Variants in NRG1 observed in about 807,000 individuals in gnomAD.
NRG1 encodes neuregulin 1.
A neutral mutation model predicts 63.8 loss-of-function variants in NRG1; 18 were observed. The observed-to-expected ratio is 0.28, with a 90% CI of 0.19 to 0.42. The LOEUF (loss-of-function observed/expected upper bound fraction) is 0.42. Among genes scored for constraint, NRG1 ranks in the 10% least tolerant of loss-of-function variants. The pLI is 1.00. For missense variants in NRG1, 762 were observed against 814.7 expected (o/e 0.94, Z 0.79); for synonymous variants, 302 against 301.3 (o/e 1.00, Z -0.02).
intron 1 of NRG1, among the ~76,000 whole-genome samples, chr8:32,137,097 T>C (rs1270525658): frequency 6.6e-6 from 1 of 152,156 alleles, no homozygotes; most frequent in African/African-American, 2.4e-5. Flanking sequence ...GAATTTTTAA[T>C]TTAATTGTAG....
intron 1 of NRG1, among the ~76,000 whole-genome samples, chr8:32,491,459 A>G (rs1826546883): frequency 6.6e-6 from 1 of 152,286 alleles, no homozygotes. Context: ...GAGACTGGGA[A>G]CAAGCAGATT....
intron 1 of NRG1, among the ~76,000 whole-genome samples, chr8:31,806,262 T>C (rs1442481078): frequency 3.9e-5 from 6 of 152,170 alleles, no homozygotes; most frequent in Admixed American, 3.9e-4. Flanking sequence ...ATTATATATA[T>C]AATTTCTACA....
intron 1 of NRG1, among the ~76,000 whole-genome samples, chr8:31,920,920 ATAG>A (rs1422590084): frequency 4.6e-5 from 7 of 151,944 alleles, no homozygotes; most frequent in Non-Finnish European, 1.0e-4. Flanking sequence ...AGATAGATAG[ATAG>A]ATATAAAAAC....
chr8:32,740,856 A>G (rs902891306), intron 6 of NRG1, among the ~76,000 whole-genome samples: 1 of 152,188 alleles, frequency 6.6e-6, no homozygotes, highest in East Asian at 1.9e-4. Context: ...ATTCTTATTT[A>G]CTCTGTAGTG....
At chr8:32,188,495 C>T (rs1024782568) in intron 1 of NRG1, among the ~76,000 whole-genome samples, 2 of 152,020 alleles carry the variant, frequency 1.3e-5, no homozygotes, top group Admixed American at 6.6e-5. Context: ...CATTGCATGG[C>T]GAAGGGGAAG....
At chr8:32,050,819 T>C (rs1226750433) in intron 1 of NRG1, among the ~76,000 whole-genome samples, 1 of 152,070 alleles carries the variant, frequency 6.6e-6, no homozygotes, top group Non-Finnish European at 1.5e-5. Context: ...AAGATGAAAG[T>C]TTATGTGACA....
chr8:31,825,743 G>A (rs1824487834), intron 1 of NRG1, among the ~76,000 whole-genome samples: 1 of 152,176 alleles, frequency 6.6e-6, no homozygotes, highest in Non-Finnish European at 1.5e-5. Flanking sequence ...AATTCAAGTA[G>A]TCTGTAACTT....
chr8:31,703,480 T>C (rs555804770), intron 1 of NRG1, among the ~76,000 whole-genome samples: 1 of 152,320 alleles, frequency 6.6e-6, no homozygotes, highest in East Asian at 1.9e-4. Flanking sequence ...CTGGTTTCAA[T>C]TATTCTGAAA....
In NRG1 at chr8:32,548,960, T is replaced by C. The variant is rs1833544156; in HGVS notation, c.100+134T>C. On this transcript the variant is annotated intron_variant, in intron 1 of 11. Coordinates refer to ENST00000356819, the Ensembl canonical transcript of NRG1. ...CTTCGCCCTGCGCTCTGAGCGCCCGTTGAGTCGCGCGGTGCTTCCCCTCCT... is the reference window on the plus strand; with the variant it reads ...CTTCGCCCTGCGCTCTGAGCGCCCGCTGAGTCGCGCGGTGCTTCCCCTCCT... The C allele has an allele frequency of 3.2e-6, 4 of 1,240,978 alleles. No homozygotes were observed. In the South Asian group the frequency reaches 4.8e-5, roughly 15 times the overall value. The allele number at this position is 1,240,978 out of a possible 1,614,324, so 76.9% of individuals were successfully genotyped here.
intron 1 of NRG1, among the ~76,000 whole-genome samples, chr8:32,483,152 G>C (rs1448420843): frequency 2.0e-5 from 3 of 152,228 alleles, no homozygotes; most frequent in African/African-American, 4.8e-5. Flanking sequence ...AGATGGGAAA[G>C]AGAACATTTC....
intron 7 of NRG1, among the ~76,000 whole-genome samples, chr8:32,752,466 G>A (rs534735883): frequency 2.0e-5 from 3 of 152,254 alleles, no homozygotes; most frequent in Admixed American, 6.5e-5. Flanking sequence ...TTGTTTCACC[G>A]CAATGCACCA....
chr8:31,781,612 G>A (rs144989153), intron 1 of NRG1, among the ~76,000 whole-genome samples: 169 of 152,270 alleles, frequency 1.1e-3, no homozygotes, highest in Middle Eastern at 6.8e-3. Flanking sequence ...CAGATGTTCA[G>A]AGAAGATGGC....
chr8:32,286,658 T>G (rs570779028), intron 1 of NRG1, among the ~76,000 whole-genome samples: 7 of 152,312 alleles, frequency 4.6e-5, no homozygotes, highest in Non-Finnish European at 1.0e-4. Context: ...TTTCTTCCTT[T>G]CTGTCTGGCC....
At chr8:31,913,015 C>T (rs1470601420) in intron 1 of NRG1, among the ~76,000 whole-genome samples, 1 of 152,146 alleles carries the variant, frequency 6.6e-6, no homozygotes, top group South Asian at 2.1e-4. Context: ...CTGTAATAAA[C>T]TCTATTCAGG....
At chr8:31,779,434 G>A (rs368848604) in intron 1 of NRG1, among the ~76,000 whole-genome samples, 4 of 151,218 alleles carry the variant, frequency 2.6e-5, no homozygotes, top group African/African-American at 9.7e-5. Flanking sequence ...CATTGAAAAC[G>A]CTTGTTCGGA....
intron 1 of NRG1, among the ~76,000 whole-genome samples, chr8:32,573,144 T>C (rs1838939561): frequency 6.6e-6 from 1 of 152,218 alleles, no homozygotes. Context: ...AGTTTGTTCA[T>C]AGACCTCAAA....
intron 1 of NRG1, among the ~76,000 whole-genome samples, chr8:31,740,485 A>G (rs1317308550): frequency 6.6e-6 from 1 of 151,978 alleles, no homozygotes; most frequent in Non-Finnish European, 1.5e-5. Flanking sequence ...TTTTTCTGTA[A>G]TTCTTACTAT....
intron 1 of NRG1, among the ~76,000 whole-genome samples, chr8:32,341,454 C>A (rs111306309): frequency 6.6e-6 from 1 of 152,174 alleles, no homozygotes; most frequent in Admixed American, 6.5e-5. Context: ...ACTGTAAGGA[C>A]AGAGGAATGA....
At chr8:32,510,970 T>TC (rs1192405840) in intron 1 of NRG1, among the ~76,000 whole-genome samples, 2 of 147,664 alleles carry the variant, frequency 1.4e-5, no homozygotes, top group Non-Finnish European at 3.0e-5. Flanking sequence ...TTTTTTTTTT[T>TC]TCTGAAGCAG....
Sources: allele counts gnomAD v4.1 joint callset (sites outside exome capture counted in the v4.1 genomes callset), GRCh38; gene constraint gnomAD v4.1.1; transcripts MANE v1.5; gene names NCBI Gene and HGNC (gene_info 2026-07-23, HGNC 2026-07-21).